Variants in SHROOM3 observed in about 807,000 individuals in gnomAD.
SHROOM3 encodes the protein protein Shroom3.
SHROOM3 carries 47 observed loss-of-function variants against 138.6 expected under a neutral mutation model. The ratio of observed to expected loss-of-function variants is 0.34; its 90% CI spans 0.27 to 0.43. SHROOM3 has a LOEUF of 0.43. Among genes scored for constraint, SHROOM3 ranks in the 20% least tolerant of loss-of-function variants. The probability of loss-of-function intolerance (pLI) is 1.00; values close to 1 mark genes in which losing one functional copy is unlikely to be tolerated. For missense variants in SHROOM3, 2,491 were observed against 2,596.5 expected (o/e 0.96, Z 0.88); for synonymous variants, 1,062 against 1,063.3 (o/e 1.00, Z 0.02).
chr4:76,494,679 T>G (rs536904574), intron 1 of SHROOM3, among the ~76,000 whole-genome samples: 4 of 152,330 alleles, frequency 2.6e-5, no homozygotes, highest in African/African-American at 4.8e-5. Context: ...TATTGGCACT[T>G]GAAAGCAGCC....
chr4:76,633,349 A>G (rs866044571), intron 2 of SHROOM3, among the ~76,000 whole-genome samples: 18 of 148,022 alleles, frequency 1.2e-4, no homozygotes, highest in East Asian at 8.0e-4. Context: ...AAAAAAAAAA[A>G]AAAAGAAAAA....
chr4:76,742,137 G>A (rs767082683), intron 5 of SHROOM3: 2 of 675,174 alleles, frequency 3.0e-6, no homozygotes, highest in Non-Finnish European at 5.3e-6. Context: ...GATTACGTAT[G>A]TTGTTATACA....
At chr4:76,757,054 G>C (rs1721839581) in intron 8 of SHROOM3, 117 bp downstream of exon 8, 1 of 1,530,764 alleles carries the variant, frequency 6.5e-7, no homozygotes, top group Non-Finnish European at 8.9e-7. Context: ...CCTGAACCAA[G>C]AGTGACATTT....
chr4:76,579,360 C>T (rs1466451591), intron 2 of SHROOM3, among the ~76,000 whole-genome samples: 1 of 151,598 alleles, frequency 6.6e-6, no homozygotes, highest in Non-Finnish European at 1.5e-5. Context: ...CCCAGCTACT[C>T]GGGAGGCTGA....
rs1392674848 is a variant in SHROOM3 at position 76,754,612 on chromosome 4, C to T, written c.4129C>T (p.Pro1377Ser). The T allele has an allele frequency of 6.2e-7, 1 of 1,614,142 alleles. No individual in the cohort carries two copies. The highest frequency in any genetic ancestry group is 8.5e-7 in the Non-Finnish European group (1 of 1,180,018). ...ACAGGACGGTCAGACAGGGCGACAG[C>T]CTCTCCCGCCCTACACCCCTGCCAT... The part of the protein sequence containing the change: ...CSQDGQTGRQ[P>S]LPPYTPAMMH... Residue 1377 changes from proline to serine, a missense_variant, in exon 7 of 11, where the codon CCT becomes TCT. This residue lies in a region of SHROOM3 where 1,733 missense variants were observed against 1,661.6 expected (regional missense o/e 1.04). Coordinates refer to ENST00000296043, the MANE Select transcript of SHROOM3 (RefSeq NM_020859.4).
intron 2 of SHROOM3, among the ~76,000 whole-genome samples, chr4:76,618,848 C>T (rs143171129): frequency 6.6e-6 from 1 of 152,232 alleles, no homozygotes; most frequent in East Asian, 1.9e-4. Context: ...CATTCCCAGG[C>T]CTGGTATTGT....
At chr4:76,579,016 A>T (rs1176163273) in intron 2 of SHROOM3, among the ~76,000 whole-genome samples, 1 of 152,132 alleles carries the variant, frequency 6.6e-6, no homozygotes, top group Non-Finnish European at 1.5e-5. Flanking sequence ...AATTTTAAAA[A>T]ATTTAAAAAA....
In SHROOM3 at chr4:76,513,330, G is replaced by GT. The variant is rs10656340; in HGVS notation, c.169-42268dup. The stretch of plus-strand genomic sequence containing the variant: ...CTGATGTTTGAGGGGAAAATAATAT[G>GT]TTTTTTTTTTTGAGACAGAGTCTTG... On this transcript the variant is annotated intron_variant, in intron 1 of 10. Transcript: ENST00000296043. Among the ~76,000 whole-genome samples the GT allele has an allele frequency of 3.9e-3, 582 of 148,320 alleles. 2 individuals carry two copies. Among genetic ancestry groups the GT allele is most frequent in the African/African-American group, 0.011 (433 of 40,590 alleles).
chr4:76,779,110 G>GT lies in SHROOM3; in HGVS notation c.5925dup (p.Glu1976Ter). 6.2e-7 allele frequency: 1 copy of GT among 1,614,196 alleles called. No homozygotes were observed. Among genetic ancestry groups the GT allele is most frequent in the Admixed American group, 1.7e-5 (1 of 60,026 alleles). On this transcript the variant is annotated frameshift_variant, in exon 11 of 11. Coordinates refer to ENST00000296043, the MANE Select transcript of SHROOM3 (RefSeq NM_020859.4). LOFTEE classifies it low-confidence loss of function (END_TRUNC). Reference sequence around the variant, plus strand: ...CTGGCTCTGCCCCCAAACCTCACGAGTGAGCCCATTCCTGCTGGGGGCTGT... The same window carrying GT: ...CTGGCTCTGCCCCCAAACCTCACGAGTTGAGCCCATTCCTGCTGGGGGCTGT...
At chr4:76,467,111 C>T (rs1227542959) in intron 1 of SHROOM3, among the ~76,000 whole-genome samples, 7 of 150,490 alleles carry the variant, frequency 4.7e-5, no homozygotes, top group South Asian at 2.2e-4. Flanking sequence ...GACTCAATCA[C>T]GACTCACTGC....
At chr4:76,503,167 C>CCA (rs111393161) in intron 1 of SHROOM3, among the ~76,000 whole-genome samples, 414 of 145,928 alleles carry the variant, frequency 2.8e-3, no homozygotes, top group Middle Eastern at 0.01. Context: ...TTGTCAACTT[C>CCA]CACACACACA....
At chr4:76,730,775 G>A in intron 3 of SHROOM3, 29 bp from the exon 4 acceptor site, 1 of 1,613,552 alleles carries the variant, frequency 6.2e-7, no homozygotes, top group Non-Finnish European at 8.5e-7. Flanking sequence ...TTTGGCTAAT[G>A]TTGGGGGGTC....
chr4:76,505,793 C>T (rs534154088), intron 1 of SHROOM3, among the ~76,000 whole-genome samples: 3 of 151,452 alleles, frequency 2.0e-5, no homozygotes, highest in African/African-American at 7.3e-5. Context: ...TCCAAAGAGA[C>T]TACAGGCTCA....
In SHROOM3 at chr4:76,673,625, C is replaced by T. The variant is rs147057714; in HGVS notation, c.324-36531C>T. The stretch of plus-strand genomic sequence containing the variant: ...ATTTTCCTCTTCAGAATGAATTAGG[C>T]TATTTTCTTCTTTTTCATACTTGTT... On this transcript the variant is annotated intron_variant, in intron 2 of 10. Coordinates refer to ENST00000296043, the MANE Select transcript of SHROOM3 (RefSeq NM_020859.4). Among the ~76,000 whole-genome samples, 311 of 152,168 alleles carry T rather than the reference C, an allele frequency of 2.0e-3. 1 individual carries two copies. Among genetic ancestry groups the T allele is most frequent in the Middle Eastern group, 3.4e-3 (1 of 294 alleles).
intron 1 of SHROOM3, among the ~76,000 whole-genome samples, chr4:76,464,759 G>A (rs1416172709): frequency 6.6e-6 from 1 of 152,108 alleles, no homozygotes; most frequent in South Asian, 2.1e-4. Flanking sequence ...AAAGTGTGTA[G>A]CACTTCCCTC....
chr4:76,714,413 T>C (rs183432066), intron 3 of SHROOM3, among the ~76,000 whole-genome samples: 33 of 152,324 alleles, frequency 2.2e-4, no homozygotes, highest in African/African-American at 7.2e-4. Context: ...GTTCTCATGG[T>C]TACATTGAGG....
At chr4:76,775,008 A>ATAACATAT (rs1722501780) in intron 10 of SHROOM3, among the ~76,000 whole-genome samples, 1 of 151,774 alleles carries the variant, frequency 6.6e-6, no homozygotes, top group Admixed American at 6.6e-5. Context: ...GTTTTGTTAC[A>ATAACATAT]TTGATAAATT....
chr4:76,450,036 G>A (rs1236443183), intron 1 of SHROOM3, among the ~76,000 whole-genome samples: 1 of 152,112 alleles, frequency 6.6e-6, no homozygotes, highest in Non-Finnish European at 1.5e-5. Context: ...TAATGAGGGA[G>A]GCCTTGGCAA....
chr4:76,646,225 A>AATAAATAAATAAATATATATATATATAT (rs61374645), intron 2 of SHROOM3, among the ~76,000 whole-genome samples: 17 of 96,224 alleles, frequency 1.8e-4, no homozygotes, highest in South Asian at 4.0e-4. Context: ...ATAATAAATA[A>AATAAATAAATAAATATATATATATATAT]ATATATATAT....
Sources: allele counts gnomAD v4.1 joint callset (sites outside exome capture counted in the v4.1 genomes callset), GRCh38; gene constraint gnomAD v4.1.1; regional missense constraint gnomAD v4.1.1; transcripts MANE v1.5; gene names NCBI Gene and HGNC (gene_info 2026-07-23, HGNC 2026-07-21).